Variants in SGSM2 observed in about 807,000 individuals in gnomAD.
SGSM2 encodes the protein small G protein signaling modulator 2, also known as RUN and TBC1 domain containing 1.
SGSM2 carries 89 observed loss-of-function variants against 126.6 expected under a neutral mutation model. That is an observed-to-expected ratio of 0.70 (90% CI 0.59 to 0.84). The LOEUF is 0.84. Ranked by LOEUF, SGSM2 falls within the 40% of genes least tolerant of loss-of-function variation. The pLI, the probability that SGSM2 is intolerant of heterozygous loss-of-function variation, is 0.00. For synonymous variants in SGSM2, 614 were observed against 574.3 expected, an observed-to-expected ratio of 1.07 and a Z score of -0.99; for missense variants, 1,404 against 1,416.6, an observed-to-expected ratio of 0.99 and a Z score of 0.14.
chr17:2,341,232 C>T (rs923992183), intron 1 of SGSM2, among the ~76,000 whole-genome samples: 1 of 150,796 alleles, frequency 6.6e-6, no homozygotes, highest in African/African-American at 2.5e-5. Flanking sequence ...ATTCTTCTGC[C>T]TCAGCCTCTT....
rs1278985740 is a variant in SGSM2, at chr17:2,373,363, G to A, written c.1950G>A (p.Gln650=). The A allele has an allele frequency of 2.5e-6, 4 of 1,612,976 alleles. No individual in the cohort carries two copies. Among genetic ancestry groups the A allele is most frequent in the Admixed American group, 1.7e-5 (1 of 60,000 alleles). ...CAGTGGTGGCAGCAAGGTACCAGCA[G>A]GTGTTGGCAGAGTGGAAGGCCTGCG... ...VDAVVAARYQ[Q]VLAEWKACEV... Residue 650 remains glutamine (Q), a synonymous_variant, in exon 17 of 24, where the codon CAG becomes CAA. Transcript: ENST00000268989.
chr17:2,354,240 G>T (rs1056566640), intron 2 of SGSM2, among the ~76,000 whole-genome samples: 1 of 151,610 alleles, frequency 6.6e-6, no homozygotes, highest in Non-Finnish European at 1.5e-5. Flanking sequence ...AGTAGAGACG[G>T]GGTTTCACTA....
At chr17:2,378,067 A>G in intron 22 of SGSM2, 114 bp downstream of exon 22, 1 of 644,200 alleles carries the variant, frequency 1.6e-6, no homozygotes, top group Non-Finnish European at 2.7e-6. Flanking sequence ...GGGGAGCTTT[A>G]AAACCTGCCA....
intron 2 of SGSM2, among the ~76,000 whole-genome samples, chr17:2,347,925 C>T (rs1235965776): frequency 6.6e-6 from 1 of 152,118 alleles, no homozygotes; most frequent in Non-Finnish European, 1.5e-5. Context: ...CCTCAGCCTC[C>T]CCACCCCCCA....
chr17:2,380,216 T>C lies in SGSM2; in HGVS notation c.*696T>C, dbSNP rs1423388215. The C allele has an allele frequency of 6.5e-7, 1 of 1,534,686 alleles. No individual in the cohort carries two copies. The highest frequency in any genetic ancestry group is 1.4e-5 in the African/African-American group (1 of 72,990). On this transcript the variant is annotated 3_prime_UTR_variant, in exon 24 of 24. Transcript: ENST00000268989. ...CGGCCTTGTACAGTGTACCTCTGTG[T>C]ATCTGTACAGCCTCGCTCCTGCCAC... is the stretch of plus-strand genomic sequence containing the variant.
At position 2,376,814 on chromosome 17, in the gene SGSM2, T is replaced by C; in HGVS notation, c.2691T>C (p.Asn897=). 10 of 1,613,868 alleles carry C rather than the reference T, an allele frequency of 6.2e-6. No individual in the cohort carries two copies. The highest frequency in any genetic ancestry group is 8.5e-6 in the Non-Finnish European group (10 of 1,179,968). The change falls in exon 20 of 24, where the codon AAT becomes AAC. Residue 897 remains asparagine (N), a splice_region_variant and synonymous_variant. Transcript: ENST00000268989. The stretch of plus-strand genomic sequence containing the variant: ...CGCCTCTCCTGGTCACCCTCGACAA[T>C]GGTGAGGGATGGCGGGACATGGGAC... ...LLAPLLVTLD[N]DQLAYSCFSH...
chr17:2,357,184 G>C (rs1408104868), intron 2 of SGSM2, among the ~76,000 whole-genome samples: 1 of 152,076 alleles, frequency 6.6e-6, no homozygotes, highest in East Asian at 1.9e-4. Flanking sequence ...TGGGAAGATG[G>C]CTCCAGACCT....
At position 2,376,153 on chromosome 17, in the gene SGSM2, CTG is replaced by C; in HGVS notation, c.2504_2505del (p.Val835GlyfsTer15). 6.2e-7 allele frequency: 1 copy of C among 1,614,116 alleles called. No individual in the cohort carries two copies. The highest frequency in any genetic ancestry group is 8.5e-7 in the Non-Finnish European group (1 of 1,180,010). ...CTCTTCCAGATAGAATTACTGGACA[CTG>C]TGGCCTTAAACCTGCACCGCATAGA... On this transcript the variant is annotated frameshift_variant, in exon 19 of 24. Transcript: ENST00000268989. LOFTEE classifies it high-confidence loss of function.
In SGSM2 at chr17:2,372,412, T is replaced by C; in HGVS notation, c.1712T>C (p.Ile571Thr). ...TCGGCGCTGGTGCACCATAGCGTTA[T>C]CCCACCTGACCGGCCCCCGGGGGCC... ...HLSALVHHSV[I>T]PPDRPPGASA... Residue 571 changes from isoleucine (I) to threonine (T), a missense_variant, in exon 15 of 24, where the codon ATC (isoleucine) becomes ACC (threonine). Transcript: ENST00000268989. This position sits in a 1 kb window ranked among gnomAD's most constrained non-coding sequence, Gnocchi z 6.0. 1 of 1,597,988 alleles carries C rather than the reference T, an allele frequency of 6.3e-7. No individual in the cohort carries two copies. Among genetic ancestry groups the C allele is most frequent in the East Asian group, 2.3e-5 (1 of 44,276 alleles).
In SGSM2 at chr17:2,373,403, C is replaced by A; in HGVS notation, c.1990C>A (p.Gln664Lys). The A allele has an allele frequency of 6.2e-7, 1 of 1,612,614 alleles. No homozygotes were observed. The highest frequency in any genetic ancestry group is 1.3e-5 in the African/African-American group (1 of 74,992). Residue 664 changes from glutamine to lysine, a missense_variant, in exon 17 of 24, where the codon CAG (glutamine) becomes AAG (lysine). Gln to Lys is a moderately conservative substitution (Grantham distance 53, BLOSUM62 1). Coordinates refer to ENST00000268989, the MANE Select transcript of SGSM2 (RefSeq NM_014853.3). The part of the protein sequence containing the change: ...EWKACEVVVR[Q>K]REREAHPATR... The stretch of plus-strand genomic sequence containing the variant: ...GAAGGCCTGCGAGGTGGTGGTGAGG[C>A]AGCGGGAGCGGGAGGCCCACCCAGC...
chr17:2,370,713 A>G (rs1057102334), intron 12 of SGSM2, among the ~76,000 whole-genome samples: 1 of 152,232 alleles, frequency 6.6e-6, no homozygotes, highest in African/African-American at 2.4e-5. Flanking sequence ...ACTGGCCACC[A>G]GATCTAGACT....
intron 1 of SGSM2, among the ~76,000 whole-genome samples, chr17:2,342,277 A>T (rs2064402295): frequency 6.6e-6 from 1 of 150,748 alleles, no homozygotes; most frequent in Non-Finnish European, 1.5e-5. Flanking sequence ...AAAAAAAAAA[A>T]GCCAGGTGTG....
At chr17:2,343,656 C>T (rs752703669) in intron 2 of SGSM2, 36 bp downstream of exon 2, 20 of 1,597,326 alleles carry the variant, frequency 1.3e-5, no homozygotes, top group Non-Finnish European at 1.7e-6. Flanking sequence ...GGAGGTCGGT[C>T]TAGAGCCGAG....
chr17:2,372,704 G>T lies in SGSM2; in HGVS notation c.1788+216G>T. 1 of 811,604 alleles carries T rather than the reference G, an allele frequency of 1.2e-6. No homozygotes were observed. Among genetic ancestry groups the T allele is most frequent in the Non-Finnish European group, 1.9e-6 (1 of 517,102 alleles). The allele number at this position is 811,604 out of a possible 1,614,324, so 50.3% of individuals were successfully genotyped here. Reference sequence around the variant, plus strand: ...CCGTCCTGCCTCCACATCGCCCTGTGACCCTGGACAAAGCTTTGCCTCTCT... The same window carrying T: ...CCGTCCTGCCTCCACATCGCCCTGTTACCCTGGACAAAGCTTTGCCTCTCT... On this transcript the variant is annotated intron_variant, in intron 15 of 23. Coordinates refer to ENST00000268989, the MANE Select transcript of SGSM2 (RefSeq NM_014853.3). The surrounding 1 kb of genome is among the most constrained non-coding windows in gnomAD (Gnocchi z 6.0).
intron 3 of SGSM2, 75 bp downstream of exon 3, chr17:2,361,874 C>T (rs2065324366): frequency 2.7e-6 from 4 of 1,507,260 alleles, no homozygotes; most frequent in Admixed American, 2.0e-5. Context: ...CTAGGACACC[C>T]ATCGGAAAGT....
chr17:2,379,157 C>G lies in SGSM2; in HGVS notation c.3021C>G (p.Ile1007Met). The G allele has an allele frequency of 1.2e-6, 2 of 1,614,176 alleles. No homozygotes were observed. The highest frequency in any genetic ancestry group is 1.7e-6 in the Non-Finnish European group (2 of 1,180,024). The change falls in exon 23 of 24, where the codon ATC (isoleucine) becomes ATG (methionine). Residue 1007 changes from isoleucine (I) to methionine (M), a missense_variant. Coordinates refer to ENST00000268989, the MANE Select transcript of SGSM2 (RefSeq NM_014853.3). The stretch of plus-strand genomic sequence containing the variant: ...TGGTGGAGGCCTACCGAGAGATCAT[C>G]CGTGACAACAACATGGACTTCACTG... Reference protein sequence around the residue: ...LALVEAYREIIRDNNMDFTDI... With the variant: ...LALVEAYREIMRDNNMDFTDI...
rs761537263 is a variant in SGSM2 at position 2,373,525 on chromosome 17, G to A, written c.2100+12G>A. The A allele has an allele frequency of 3.2e-5, 51 of 1,586,166 alleles. No homozygotes were observed. In the East Asian group the frequency reaches 4.3e-4, roughly 13 times the overall value. ...CCATCAGCAACGATGTGAGCCAGAC[G>A]GGACCTGGAGGGTTGGGGGTCTCGG... On this transcript the variant is annotated intron_variant, in intron 17 of 23. Transcript: ENST00000268989.
Position 2,371,430 on chromosome 17 carries a change from C to A in SGSM2, c.1577+15C>A. ...ATCCCCGACCGGTGAGTGGGCAGCG[C>A]TCGGCCCCAGCTTCCCGTTAGCGTG... On this transcript the variant is annotated intron_variant, in intron 13 of 23. Transcript: ENST00000268989. 1 of 1,577,948 alleles carries A rather than the reference C, an allele frequency of 6.3e-7. No individual in the cohort carries two copies. Among genetic ancestry groups the A allele is most frequent in the Non-Finnish European group, 8.6e-7 (1 of 1,161,088 alleles).
rs948515868 is a variant in SGSM2, at chr17:2,379,843, C to G, written c.*323C>G. ...CAGCCGCAGCCTGGACTGCTGCCCA[C>G]GAGTGAACCTGGGGCCCCACAGGAT... On this transcript the variant is annotated 3_prime_UTR_variant, in exon 24 of 24. Transcript: ENST00000268989. 3.1e-6 allele frequency: 4 copies of G among 1,308,826 alleles called. No individual in the cohort carries two copies. In the African/African-American group the frequency reaches 5.9e-5, roughly 19 times the overall value. 81.1% of individuals were successfully genotyped at this position (1,308,826 alleles called of 1,614,324 possible). A position where few individuals can be genotyped will look rare whatever the true frequency, so the allele number is the denominator to read the frequency against.
Sources: gnomAD v4.1 joint callset for allele counts (sites outside exome capture counted in the v4.1 genomes callset) on GRCh38, gnomAD v4.1.1 for gene constraint, Gnocchi (gnomAD v3.1) non-coding constraint, MANE v1.5 for transcripts, NCBI Gene and HGNC (gene_info 2026-07-23, HGNC 2026-07-21) for gene names.